GPC5: variants seen among roughly 807,000 people sequenced by gnomAD.
GPC5 encodes the protein glypican-5.
Under a neutral mutation model 53.9 loss-of-function variants are expected in GPC5, and 47 were observed. That is an observed-to-expected ratio of 0.87 (90% confidence interval 0.69 to 1.11). GPC5 has a LOEUF of 1.11. Among genes scored for constraint, GPC5 ranks in the 50% most tolerant of loss-of-function variants. The probability of loss-of-function intolerance (pLI) is 0.00; values close to 1 mark genes in which losing one functional copy is unlikely to be tolerated. For synonymous variants in GPC5, 286 were observed against 263.3 expected (o/e 1.09, Z -0.84); for missense variants, 748 against 713.1 (o/e 1.05, Z -0.56).
chr13:92,356,447 T>C (rs922761100), intron 7 of GPC5, among the ~76,000 whole-genome samples: 4 of 152,192 alleles, frequency 2.6e-5, no homozygotes, highest in African/African-American at 9.7e-5. Context: ...GAAAAACCAG[T>C]TAAGAAGTTA....
chr13:91,541,021 T>C (rs1205560738), intron 2 of GPC5, among the ~76,000 whole-genome samples: 1 of 152,174 alleles, frequency 6.6e-6, no homozygotes, highest in East Asian at 1.9e-4. Context: ...AAATGGTGAA[T>C]TCCATTTTAT....
At chr13:92,257,545 G>GTTTTTTTTTTTTTTTTTTTTTTTTTTTT (rs1566507028) in intron 7 of GPC5, among the ~76,000 whole-genome samples, 1 of 50,052 alleles carries the variant, frequency 2.0e-5, no homozygotes, top group Non-Finnish European at 3.8e-5. Flanking sequence ...CTAATACAGG[G>GTTTTTTTTTTTTTTTTTTTTTTTTTTTT]ATTTTTTTTT....
rs368068101 is a variant in GPC5, at chr13:91,727,143, A to C, written c.1021-1389A>C. On this transcript the variant is annotated intron_variant, in intron 3 of 7. Coordinates refer to ENST00000377067, the MANE Select transcript of GPC5 (RefSeq NM_004466.6). ...TGTAACTTTCATCTCAACTGTGTAC[A>C]TGAGGCCATGCCTTATTCAGATTTG... Among the ~76,000 whole-genome samples the C allele has an allele frequency of 1.5e-4, 23 of 152,350 alleles. No homozygotes were observed. The East Asian group carries it at 3.9e-3, about 26-fold the overall frequency.
intron 5 of GPC5, among the ~76,000 whole-genome samples, chr13:91,832,596 A>G (rs113869192): frequency 0.044 from 6,742 of 152,152 alleles, 176 homozygotes; most frequent in Middle Eastern, 0.068. Flanking sequence ...ACAATTTGAT[A>G]TGTTTTTGCA....
intron 7 of GPC5, among the ~76,000 whole-genome samples, chr13:92,733,705 T>G (rs1340864465): frequency 6.6e-6 from 1 of 151,800 alleles, no homozygotes; most frequent in African/African-American, 2.4e-5. Context: ...GGCACATGTT[T>G]CCAAAGAAGA....
intron 7 of GPC5, among the ~76,000 whole-genome samples, chr13:92,260,507 A>G (rs2042758777): frequency 6.6e-6 from 1 of 152,124 alleles, no homozygotes; most frequent in Admixed American, 6.5e-5. Flanking sequence ...GCAGGCCTTC[A>G]CTGAGCTCCC....
At chr13:91,794,205 T>G (rs1326457844) in intron 5 of GPC5, among the ~76,000 whole-genome samples, 2 of 152,196 alleles carry the variant, frequency 1.3e-5, no homozygotes. Flanking sequence ...ACTTATTTAA[T>G]TCCAACACCC....
chr13:91,975,143 G>A (rs1334326369), intron 6 of GPC5, among the ~76,000 whole-genome samples: 22 of 152,132 alleles, frequency 1.4e-4, no homozygotes, highest in South Asian at 4.2e-4. Context: ...AGACTTAAAC[G>A]TTAGACCTAA....
At chr13:91,976,310 A>G (rs1405087954) in intron 6 of GPC5, among the ~76,000 whole-genome samples, 1 of 152,214 alleles carries the variant, frequency 6.6e-6, no homozygotes, top group African/African-American at 2.4e-5. Flanking sequence ...TGAAAACATC[A>G]TGGCAATAAT....
chr13:92,751,303 T>TAAAAAAAAAAAA (rs71123435), intron 7 of GPC5, among the ~76,000 whole-genome samples: 1 of 38,778 alleles, frequency 2.6e-5, no homozygotes, highest in African/African-American at 8.4e-5. Context: ...CAGAAACATT[T>TAAAAAAAAAAAA]AAAAAAAAAA....
chr13:92,106,319 A>G (rs1205816500), intron 6 of GPC5, among the ~76,000 whole-genome samples: 2 of 152,114 alleles, frequency 1.3e-5, no homozygotes, highest in Admixed American at 1.3e-4. Context: ...GTATATGCAC[A>G]TTTGTAAAAA....
At chr13:91,481,008 T>C (rs1883271655) in intron 2 of GPC5, among the ~76,000 whole-genome samples, 1 of 151,766 alleles carries the variant, frequency 6.6e-6, no homozygotes, top group Non-Finnish European at 1.5e-5. Context: ...AGTTTCGGGG[T>C]TGCTGATACC....
At chr13:91,556,864 T>C (rs1352336494) in intron 2 of GPC5, among the ~76,000 whole-genome samples, 1 of 151,868 alleles carries the variant, frequency 6.6e-6, no homozygotes, top group Non-Finnish European at 1.5e-5. Context: ...AAAATTGGGT[T>C]CAGTATATAC....
At chr13:92,370,827 AT>A (rs1358983323) in intron 7 of GPC5, among the ~76,000 whole-genome samples, 1 of 152,164 alleles carries the variant, frequency 6.6e-6, no homozygotes, top group Non-Finnish European at 1.5e-5. Context: ...GAAAACTTAT[AT>A]TTCAGAACAC....
chr13:92,776,976 T>C (rs1352810318), intron 7 of GPC5, among the ~76,000 whole-genome samples: 1 of 139,332 alleles, frequency 7.2e-6, no homozygotes, highest in Non-Finnish European at 1.5e-5. Context: ...TGAGCCAAGA[T>C]TGCACCACTG....
intron 7 of GPC5, among the ~76,000 whole-genome samples, chr13:92,255,089 G>T (rs1466881851): frequency 6.6e-6 from 1 of 152,128 alleles, no homozygotes; most frequent in Non-Finnish European, 1.5e-5. Flanking sequence ...TATACAGGAG[G>T]AGATGCATAA....
intron 3 of GPC5, among the ~76,000 whole-genome samples, chr13:91,701,792 T>C (rs1466243493): frequency 2.6e-5 from 4 of 152,126 alleles, no homozygotes; most frequent in African/African-American, 9.6e-5. Flanking sequence ...ACTGATTTCA[T>C]ATCTTTTCGA....
intron 2 of GPC5, among the ~76,000 whole-genome samples, chr13:91,675,365 A>C (rs536835960): frequency 1.3e-5 from 2 of 152,332 alleles, no homozygotes; most frequent in East Asian, 3.9e-4. Context: ...GCTGATAGGT[A>C]CTAGGAATTT....
chr13:92,716,728 G>A (rs1888339961), intron 7 of GPC5, among the ~76,000 whole-genome samples: 1 of 152,132 alleles, frequency 6.6e-6, no homozygotes, highest in Non-Finnish European at 1.5e-5. Context: ...ATCTTTAGAA[G>A]TGGAAAGAGT....
Sources: gnomAD v4.1 joint callset for allele counts (sites outside exome capture counted in the v4.1 genomes callset) on GRCh38, gnomAD v4.1.1 for gene constraint, MANE v1.5 for transcripts, NCBI Gene and HGNC (gene_info 2026-07-23, HGNC 2026-07-21) for gene names.